OSBPL9: variants seen among roughly 807,000 people sequenced by gnomAD.
OSBPL9 encodes the protein oxysterol binding protein like 9, also known as oxysterol-binding protein-related protein 9.
In OSBPL9, 40 loss-of-function variants were observed where a neutral mutation model predicts 106.6. The ratio of observed to expected loss-of-function variants is 0.38; its 90% CI spans 0.29 to 0.49. The LOEUF (loss-of-function observed/expected upper bound fraction) is 0.49. Among genes scored for constraint, OSBPL9 ranks in the 20% least tolerant of loss-of-function variants. OSBPL9 has a pLI of 0.97. For synonymous variants in OSBPL9, 269 were observed against 295.4 expected, an observed-to-expected ratio of 0.91 and a Z score of 0.92; for missense variants, 609 against 887.2, an observed-to-expected ratio of 0.69 and a Z score of 3.98.
chr1:51,713,840 A>G (rs1660562072), intron 3 of OSBPL9, among the ~76,000 whole-genome samples, 163 bp from the exon 4 acceptor site: 1 of 152,210 alleles, frequency 6.6e-6, no homozygotes, highest in Non-Finnish European at 1.5e-5. Flanking sequence ...AGTAGATTGC[A>G]TATCTGTAAA....
intron 7 of OSBPL9, chr1:51,749,397 C>T (rs1244283281): frequency 4.7e-5 from 11 of 234,750 alleles, no homozygotes; most frequent in South Asian, 1.4e-4. Context: ...ACTGCAGCTT[C>T]GAACTCCTGG....
At chr1:51,761,679 T>C (rs1164660207) in intron 10 of OSBPL9, among the ~76,000 whole-genome samples, 188 bp from the exon 11 acceptor site, 1 of 152,198 alleles carries the variant, frequency 6.6e-6, no homozygotes, top group Admixed American at 6.5e-5. Flanking sequence ...CTTAGTACTC[T>C]GTAGCCTATC....
At chr1:51,730,901 A>C (rs1311338901) in intron 4 of OSBPL9, among the ~76,000 whole-genome samples, 1 of 152,190 alleles carries the variant, frequency 6.6e-6, no homozygotes, top group East Asian at 1.9e-4. Context: ...TTTACAGTGA[A>C]CTTTGAAACT....
chr1:51,724,263 G>T (rs1662690775), intron 4 of OSBPL9, among the ~76,000 whole-genome samples: 1 of 151,960 alleles, frequency 6.6e-6, no homozygotes, highest in African/African-American at 2.4e-5. Context: ...GTACTTTAAA[G>T]AAATATTTCA....
At chr1:51,607,143 TTTTTC>T (rs1049598996) in intron 2 of OSBPL9, among the ~76,000 whole-genome samples, 12 of 151,298 alleles carry the variant, frequency 7.9e-5, no homozygotes, top group East Asian at 1.9e-4. Context: ...ACTACAGATG[TTTTTC>T]TTTTCTTTTC....
At chr1:51,604,982 T>C (rs1187577309) in intron 2 of OSBPL9, among the ~76,000 whole-genome samples, 1 of 152,230 alleles carries the variant, frequency 6.6e-6, no homozygotes, top group Non-Finnish European at 1.5e-5. Flanking sequence ...TAAAGTTTTA[T>C]TGGAACACAG....
At chr1:51,715,162 A>G (rs1236644965) in intron 4 of OSBPL9, among the ~76,000 whole-genome samples, 4 of 152,210 alleles carry the variant, frequency 2.6e-5, no homozygotes, top group East Asian at 1.9e-4. Context: ...AGGGTATCTT[A>G]GGCCCTACAA....
At chr1:51,699,028 ATAT>A (rs1656680440) in intron 3 of OSBPL9, among the ~76,000 whole-genome samples, 1 of 152,150 alleles carries the variant, frequency 6.6e-6, no homozygotes, top group South Asian at 2.1e-4. Flanking sequence ...GGTCAGAATA[ATAT>A]TGACTCTTGA....
chr1:51,636,600 A>C (rs886608548), intron 1 of OSBPL9, among the ~76,000 whole-genome samples: 1 of 151,804 alleles, frequency 6.6e-6, no homozygotes, highest in African/African-American at 2.4e-5. Context: ...GGCCTCCCAA[A>C]ATGCTGGGAT....
intron 4 of OSBPL9, among the ~76,000 whole-genome samples, chr1:51,744,205 G>A (rs74080619): frequency 0.023 from 3,517 of 152,054 alleles, 79 homozygotes; most frequent in Middle Eastern, 0.088. Flanking sequence ...ATTTTAGTTT[G>A]GGAAGAGCAA....
At position 51,695,150 on chromosome 1, in the gene OSBPL9, G is replaced by A. The variant is rs142438123; in HGVS notation, c.242-18853G>A. Among the ~76,000 whole-genome samples the A allele has an allele frequency of 2.5e-3, 383 of 152,174 alleles. 1 individual carries two copies. Among genetic ancestry groups the A allele is most frequent in the African/African-American group, 8.4e-3 (347 of 41,512 alleles). ...GAGACTATGTATTAAATATTTACTC[G>A]AGGGTCAAAATTTGATGATGTTTAC... On this transcript the variant is annotated intron_variant, in intron 3 of 23. Transcript: ENST00000428468.
chr1:51,720,163 T>C (rs1231303171), intron 4 of OSBPL9, among the ~76,000 whole-genome samples: 1 of 152,226 alleles, frequency 6.6e-6, no homozygotes, highest in African/African-American at 2.4e-5. Flanking sequence ...GTTTTAAGGT[T>C]GTTACTAAGC....
chr1:51,612,194 C>G (rs1018330929), upstream of OSBPL9, among the ~76,000 whole-genome samples: 7 of 152,206 alleles, frequency 4.6e-5, no homozygotes, highest in Non-Finnish European at 1.5e-5. Flanking sequence ...CTGTCATTGT[C>G]CAAACTGAAA....
chr1:51,701,226 C>T (rs1176405412), intron 3 of OSBPL9, among the ~76,000 whole-genome samples: 1 of 152,242 alleles, frequency 6.6e-6, no homozygotes, highest in Non-Finnish European at 1.5e-5. Flanking sequence ...AGGCGTGAGC[C>T]ACCGCGCCCG....
the OSBPL9 span, among the ~76,000 whole-genome samples, chr1:51,547,368 C>G: frequency 7.9e-5 from 12 of 151,976 alleles, no homozygotes; most frequent in Non-Finnish European, 1.3e-4. Context: ...TAAAACAGTG[C>G]TCAGTGAAAA....
rs1660593574 is a variant in OSBPL9, at chr1:51,713,991, C to T, written c.242-12C>T. On this transcript the variant is annotated splice_polypyrimidine_tract_variant and intron_variant, in intron 3 of 23. Coordinates refer to ENST00000428468, the MANE Select transcript of OSBPL9 (RefSeq NM_024586.6). ...TAAACTTTTAATTTTAATGTATAAT[C>T]TTTTATTCCAGCCCGTGATGCTGAT... 6.3e-7 allele frequency: 1 copy of T among 1,594,222 alleles called. No homozygotes were observed. Among genetic ancestry groups the T allele is most frequent in the African/African-American group, 1.3e-5 (1 of 74,132 alleles).
At chr1:51,539,047 T>C in the OSBPL9 span, among the ~76,000 whole-genome samples, 1 of 152,188 alleles carries the variant, frequency 6.6e-6, no homozygotes, top group African/African-American at 2.4e-5. Context: ...CAACTATTTC[T>C]TTGTCTTCAA....
At chr1:51,528,715 A>T in the OSBPL9 span, among the ~76,000 whole-genome samples, 1 of 151,758 alleles carries the variant, frequency 6.6e-6, no homozygotes, top group Non-Finnish European at 1.5e-5. Flanking sequence ...CTGCAAAAAA[A>T]TGCAAAAATT....
the OSBPL9 span, among the ~76,000 whole-genome samples, chr1:51,540,978 A>C: frequency 6.6e-6 from 1 of 150,876 alleles, no homozygotes; most frequent in African/African-American, 2.4e-5. Context: ...AAACAAAAAA[A>C]AAATTACTCA....
Sources: gnomAD v4.1 joint callset for allele counts (sites outside exome capture counted in the v4.1 genomes callset) on GRCh38, gnomAD v4.1.1 for gene constraint, MANE v1.5 for transcripts, NCBI Gene and HGNC (gene_info 2026-07-23, HGNC 2026-07-21) for gene names.